TNNI3K: variants seen among roughly 807,000 people sequenced by gnomAD.
The protein encoded by TNNI3K is TNNI3 interacting kinase.
A neutral mutation model predicts 114.5 loss-of-function variants in TNNI3K; 140 were observed. That is an observed-to-expected ratio of 1.22 (90% CI 1.07 to 1.41). The LOEUF (loss-of-function observed/expected upper bound fraction) is 1.41. Ranked by LOEUF, TNNI3K falls within the 40% of genes most tolerant of loss-of-function variation. TNNI3K has a pLI of 0.00. For missense variants in TNNI3K, 1,125 were observed against 1,007.6 expected, an observed-to-expected ratio of 1.12 and a Z score of -1.58; for synonymous variants, 347 against 347.5, an observed-to-expected ratio of 1.00 and a Z score of 0.02.
intron 20 of TNNI3K, among the ~76,000 whole-genome samples, chr1:74,461,923 A>G (rs1476289644): frequency 6.6e-6 from 1 of 152,212 alleles, no homozygotes; most frequent in African/African-American, 2.4e-5. Flanking sequence ...CTAAATGCAG[A>G]GTCATTAAAA....
chr1:74,241,034 G>A (rs1381942668), intron 2 of TNNI3K, among the ~76,000 whole-genome samples: 1 of 150,348 alleles, frequency 6.7e-6, no homozygotes, highest in Non-Finnish European at 1.5e-5. Context: ...TTGGTTTTTT[G>A]TCCTTGCAAT....
intron 5 of TNNI3K, among the ~76,000 whole-genome samples, chr1:74,323,347 G>A (rs1389140265): frequency 6.6e-6 from 1 of 152,110 alleles, no homozygotes; most frequent in Non-Finnish European, 1.5e-5. Flanking sequence ...AAACCTCTGA[G>A]CTTCACTGTC....
chr1:74,409,772 G>A (rs531430392), intron 17 of TNNI3K, among the ~76,000 whole-genome samples: 2 of 152,090 alleles, frequency 1.3e-5, no homozygotes, highest in African/African-American at 2.4e-5. Flanking sequence ...GGGATTACAG[G>A]CGTGAGCCAC....
intron 3 of TNNI3K, among the ~76,000 whole-genome samples, chr1:74,250,308 T>C (rs1429743580): frequency 6.6e-6 from 1 of 152,190 alleles, no homozygotes; most frequent in Non-Finnish European, 1.5e-5. Context: ...TAAGCTCTAC[T>C]GTTAATAATG....
intron 23 of TNNI3K, among the ~76,000 whole-genome samples, chr1:74,526,641 A>T (rs973380350): frequency 6.6e-6 from 1 of 152,180 alleles, no homozygotes; most frequent in Non-Finnish European, 1.5e-5. Flanking sequence ...TATAAATTGG[A>T]TATTTTTTTC....
chr1:74,497,642 C>T (rs941388649), intron 23 of TNNI3K, among the ~76,000 whole-genome samples: 1 of 151,676 alleles, frequency 6.6e-6, no homozygotes, highest in African/African-American at 2.4e-5. Flanking sequence ...ACAATTGAAC[C>T]CCAGATCATT....
At chr1:74,368,304 TTA>T (rs1662389558) in intron 13 of TNNI3K, among the ~76,000 whole-genome samples, 1 of 151,896 alleles carries the variant, frequency 6.6e-6, no homozygotes, top group Admixed American at 6.6e-5. Flanking sequence ...AAAATATATA[TTA>T]TTTTTCAAAA....
At chr1:74,241,590 A>G (rs1342841607) in intron 2 of TNNI3K, among the ~76,000 whole-genome samples, 4 of 152,120 alleles carry the variant, frequency 2.6e-5, no homozygotes, top group Non-Finnish European at 5.9e-5. Flanking sequence ...TTTGAGAAGT[A>G]TCTGTTCATA....
chr1:74,510,209 T>G (rs1160211641), intron 23 of TNNI3K, among the ~76,000 whole-genome samples: 1 of 152,180 alleles, frequency 6.6e-6, no homozygotes, highest in Non-Finnish European at 1.5e-5. Context: ...AGTTCTCACC[T>G]TTTAAAAAGA....
intron 20 of TNNI3K, among the ~76,000 whole-genome samples, chr1:74,440,792 G>GT (rs1180334927): frequency 6.6e-6 from 1 of 152,126 alleles, no homozygotes; most frequent in Non-Finnish European, 1.5e-5. Context: ...ATTGCCATTT[G>GT]TAAGGTCTTG....
intron 17 of TNNI3K, among the ~76,000 whole-genome samples, chr1:74,400,548 C>G (rs1299596752): frequency 3.9e-5 from 6 of 152,174 alleles, no homozygotes; most frequent in African/African-American, 1.4e-4. Context: ...CATGTTGGCT[C>G]TATACTAGGA....
At chr1:74,439,094 G>T (rs963645673) in intron 19 of TNNI3K, 1 of 155,460 alleles carries the variant, frequency 6.4e-6, no homozygotes, top group African/African-American at 2.4e-5. Flanking sequence ...GTCCCTGGAT[G>T]AATCCATGGT....
At chr1:74,332,928 G>A (rs1660280782) in intron 6 of TNNI3K, among the ~76,000 whole-genome samples, 1 of 134,096 alleles carries the variant, frequency 7.5e-6, no homozygotes, top group South Asian at 2.4e-4. Context: ...CCCTTTGACA[G>A]TGAGAATACT....
intron 21 of TNNI3K, among the ~76,000 whole-genome samples, chr1:74,465,265 C>T (rs977911013): frequency 2.6e-5 from 4 of 152,146 alleles, no homozygotes; most frequent in East Asian, 1.9e-4. Context: ...CCTCAGCTTG[C>T]GGGGAGGTGT....
At chr1:74,335,164 A>G (rs1279746221) in intron 6 of TNNI3K, among the ~76,000 whole-genome samples, 1 of 152,178 alleles carries the variant, frequency 6.6e-6, no homozygotes, top group Non-Finnish European at 1.5e-5. Flanking sequence ...TCTAATCCTC[A>G]TGACAACCCA....
intron 4 of TNNI3K, among the ~76,000 whole-genome samples, chr1:74,251,175 T>C (rs927751333): frequency 3.3e-5 from 5 of 152,182 alleles, no homozygotes; most frequent in Admixed American, 2.0e-4. Flanking sequence ...ACTGAAGCTG[T>C]ATTTCTTTAC....
At chr1:74,433,425 GA>G (rs1665982417) in intron 17 of TNNI3K, among the ~76,000 whole-genome samples, 1 of 151,992 alleles carries the variant, frequency 6.6e-6, no homozygotes, top group Admixed American at 6.6e-5. Context: ...CTTCAAAATG[GA>G]AAAAATGTGT....
intron 17 of TNNI3K, among the ~76,000 whole-genome samples, chr1:74,434,257 A>G (rs1432837676): frequency 6.6e-6 from 1 of 152,000 alleles, no homozygotes; most frequent in African/African-American, 2.4e-5. Context: ...ATTATTTTTT[A>G]GCATGCACTC....
At chr1:74,280,223 A>C (rs193191479) in intron 5 of TNNI3K, among the ~76,000 whole-genome samples, 101 of 152,204 alleles carry the variant, frequency 6.6e-4, no homozygotes, top group African/African-American at 2.3e-3. Context: ...TCTACTAAAA[A>C]TACAAAAAAT....
Sources: allele counts gnomAD v4.1 joint callset (sites outside exome capture counted in the v4.1 genomes callset), GRCh38; gene constraint gnomAD v4.1.1; transcripts MANE v1.5; gene names NCBI Gene and HGNC (gene_info 2026-07-23, HGNC 2026-07-21).